IL1RAPL1: variants seen among roughly 807,000 people sequenced by gnomAD.
The protein encoded by IL1RAPL1 is interleukin 1 receptor accessory protein like 1.
A neutral mutation model predicts 48.4 loss-of-function variants in IL1RAPL1; 3 were observed. The ratio of observed to expected loss-of-function variants is 0.06; its 90% confidence interval spans 0.03 to 0.16. The LOEUF (loss-of-function observed/expected upper bound fraction) is 0.16. Among genes scored for constraint, IL1RAPL1 ranks in the 10% least tolerant of loss-of-function variants. IL1RAPL1 has a pLI of 1.00. For synonymous variants in IL1RAPL1, 185 were observed against 187.7 expected (o/e 0.99, Z 0.12); for missense variants, 349 against 530.6 (o/e 0.66, Z 3.36).
intron 2 of IL1RAPL1, among the ~76,000 whole-genome samples, chrX:28,901,989 G>A (rs1923087511): frequency 9.0e-6 from 1 of 111,099 alleles, no homozygotes; most frequent in Non-Finnish European, 1.9e-5. Flanking sequence ...TGCATCTAAT[G>A]ATCTTAAATA....
chrX:29,600,235 C>T (rs1054103901), intron 5 of IL1RAPL1, among the ~76,000 whole-genome samples: 3 of 111,850 alleles, frequency 2.7e-5, no homozygotes, highest in Non-Finnish European at 5.6e-5. Flanking sequence ...TGGTGTTCTC[C>T]CCCTTCCCCT....
chrX:29,199,579 G>A (rs1032156367), intron 2 of IL1RAPL1, among the ~76,000 whole-genome samples: 2 of 111,093 alleles, frequency 1.8e-5, no homozygotes, highest in Non-Finnish European at 3.8e-5. Context: ...GCATTACTAA[G>A]ATTCTCATAA....
intron 5 of IL1RAPL1, among the ~76,000 whole-genome samples, chrX:29,618,113 G>A (rs751242172): frequency 9.0e-6 from 1 of 111,355 alleles, no homozygotes; most frequent in South Asian, 3.8e-4. Flanking sequence ...TACAACAAAA[G>A]AATTCTGTAA....
intron 6 of IL1RAPL1, among the ~76,000 whole-genome samples, chrX:29,780,743 C>G (rs1299482156): frequency 1.8e-5 from 2 of 111,375 alleles, no homozygotes; most frequent in East Asian, 5.6e-4. Context: ...CCTCCTCATA[C>G]ATTATTTTAT....
chrX:29,813,015 G>A lies in IL1RAPL1; in HGVS notation c.779-104449G>A, dbSNP rs994043342. ...TTTCTCTAGACTCCCCGTGCCCTGT[G>A]TGCCACCATTTTGATTAATCCTTCT... On this transcript the variant is annotated intron_variant, in intron 6 of 10. Transcript: ENST00000378993. Among the ~76,000 whole-genome samples the A allele has an allele frequency of 2.7e-5, 3 of 111,409 alleles. No homozygotes were observed. In the Admixed American group the frequency reaches 2.9e-4, roughly 11 times the overall value.
chrX:28,755,458 C>T (rs1936096024), intron 1 of IL1RAPL1, among the ~76,000 whole-genome samples: 1 of 112,479 alleles, frequency 8.9e-6, no homozygotes, highest in East Asian at 2.8e-4. Context: ...TCAATGGTAG[C>T]ATGAGGCTAG....
intron 5 of IL1RAPL1, among the ~76,000 whole-genome samples, chrX:29,433,824 A>AT (rs746197950): frequency 3.7e-5 from 4 of 108,104 alleles, no homozygotes; most frequent in South Asian, 3.8e-4. Flanking sequence ...ACTTTTTGTC[A>AT]TTTTTTTTTA....
chrX:29,309,681 C>T lies in IL1RAPL1; in HGVS notation c.362+26464C>T, dbSNP rs941241627. On this transcript the variant is annotated intron_variant, in intron 3 of 10. Transcript: ENST00000378993. ...TACAAAAATTAGCCGGACGTGGTGACGGGCGCCTGTAACCCCGGCCACTCG... is the reference window on the plus strand; with the variant it reads ...TACAAAAATTAGCCGGACGTGGTGATGGGCGCCTGTAACCCCGGCCACTCG... 4.6e-5 allele frequency among the ~76,000 whole-genome samples: 5 copies of T among 109,754 alleles called. No homozygotes were observed. The East Asian group carries it at 1.1e-3, about 25-fold the overall frequency.
intron 6 of IL1RAPL1, among the ~76,000 whole-genome samples, chrX:29,848,065 C>T (rs887214167): frequency 2.7e-5 from 3 of 110,927 alleles, no homozygotes; most frequent in Non-Finnish European, 5.7e-5. Context: ...GAGTTCAACT[C>T]TTTACAGATG....
At chrX:29,635,490 G>C (rs1341739929) in intron 5 of IL1RAPL1, among the ~76,000 whole-genome samples, 1 of 111,727 alleles carries the variant, frequency 9.0e-6, no homozygotes, top group Non-Finnish European at 1.9e-5. Flanking sequence ...AGATCAGATA[G>C]ATAGAAATTT....
intron 1 of IL1RAPL1, among the ~76,000 whole-genome samples, chrX:28,779,830 A>G (rs1179377282): frequency 9.3e-6 from 1 of 107,583 alleles, no homozygotes; most frequent in Non-Finnish European, 1.9e-5. Context: ...TAAAAAAGAA[A>G]TTAAAACTTG....
intron 5 of IL1RAPL1, among the ~76,000 whole-genome samples, chrX:29,433,454 T>G (rs147788148): frequency 3.5e-3 from 390 of 111,407 alleles, no homozygotes; most frequent in African/African-American, 0.01. Flanking sequence ...AATACTTTGA[T>G]GAATATCATG....
chrX:28,920,134 CT>C (rs1199841866), intron 2 of IL1RAPL1, among the ~76,000 whole-genome samples: 2 of 111,559 alleles, frequency 1.8e-5, no homozygotes, highest in African/African-American at 6.5e-5. Context: ...TCATTTTTTT[CT>C]GAATCAGCCT....
At position 29,418,523 on chromosome X, in the gene IL1RAPL1, G is replaced by A. The variant is rs1317918224; in HGVS notation, c.703+19215G>A. ...CTTTTATAAGTCCACTACTCAAAAT[G>A]TAACCTGAAAACAGAATTTTTCCAA... On this transcript the variant is annotated intron_variant, in intron 5 of 10. Transcript: ENST00000378993. Among the ~76,000 whole-genome samples the A allele has an allele frequency of 2.7e-5, 3 of 111,407 alleles. No individual in the cohort carries two copies. The East Asian group carries it at 8.4e-4, about 31-fold the overall frequency.
intron 2 of IL1RAPL1, among the ~76,000 whole-genome samples, chrX:29,268,091 A>G (rs1008605850): frequency 1.8e-5 from 2 of 111,529 alleles, no homozygotes; most frequent in African/African-American, 6.5e-5. Flanking sequence ...GAACAATCTC[A>G]TTATGAGGAC....
chrX:28,937,264 C>G (rs1003288509), intron 2 of IL1RAPL1, among the ~76,000 whole-genome samples: 1 of 111,202 alleles, frequency 9.0e-6, no homozygotes, highest in Non-Finnish European at 1.9e-5. Flanking sequence ...AACTTGTACT[C>G]TAAAGTCCTA....
chrX:28,646,556 T>G (rs1934613136), intron 1 of IL1RAPL1, among the ~76,000 whole-genome samples: 1 of 112,713 alleles, frequency 8.9e-6, no homozygotes, highest in Non-Finnish European at 1.9e-5. Flanking sequence ...CAGTTGTAGA[T>G]TTGTTCAATG....
chrX:29,279,138 G>A (rs1320669781), intron 2 of IL1RAPL1, among the ~76,000 whole-genome samples: 1 of 112,290 alleles, frequency 8.9e-6, no homozygotes, highest in Non-Finnish European at 1.9e-5. Flanking sequence ...TCCATCATTT[G>A]TTTAAATGAT....
At chrX:28,626,693 G>C (rs1420865006) in intron 1 of IL1RAPL1, among the ~76,000 whole-genome samples, 1 of 112,528 alleles carries the variant, frequency 8.9e-6, no homozygotes, top group Non-Finnish European at 1.9e-5. Flanking sequence ...CTAAAGGGCA[G>C]CAATCTCTAT....
Sources: gnomAD v4.1 joint callset for allele counts (sites outside exome capture counted in the v4.1 genomes callset) on GRCh38, gnomAD v4.1.1 for gene constraint, MANE v1.5 for transcripts, NCBI Gene and HGNC (gene_info 2026-07-23, HGNC 2026-07-21) for gene names.